The following LUZP2 variants were observed in gnomAD, a reference collection of about 807,000 sequenced individuals.
LUZP2 encodes the protein leucine zipper protein 2.
A neutral mutation model predicts 51.6 loss-of-function variants in LUZP2; 52 were observed. That is an observed-to-expected ratio of 1.01 (90% confidence interval 0.81 to 1.27). The LOEUF is 1.27. Ranked by LOEUF, LUZP2 falls within the 50% of genes most tolerant of loss-of-function variation. The pLI, the probability that LUZP2 is intolerant of heterozygous loss-of-function variation, is 0.00. For synonymous variants in LUZP2, 154 were observed against 137.3 expected (o/e 1.12, Z -0.85); for missense variants, 436 against 395.4 (o/e 1.10, Z -0.87).
intron 9 of LUZP2, among the ~76,000 whole-genome samples, chr11:25,023,718 G>A (rs924913814): frequency 8.5e-5 from 13 of 152,130 alleles, no homozygotes; most frequent in Non-Finnish European, 1.6e-4. Flanking sequence ...TATTTTAATT[G>A]TGATGTTAGG....
intron 5 of LUZP2, among the ~76,000 whole-genome samples, chr11:24,793,555 A>T (rs1024939697): frequency 2.0e-5 from 3 of 152,186 alleles, no homozygotes; most frequent in Admixed American, 6.6e-5. Flanking sequence ...CACCTGACAA[A>T]ATTAAACTGC....
intron 7 of LUZP2, among the ~76,000 whole-genome samples, chr11:24,916,762 C>T (rs1418709098): frequency 6.6e-6 from 1 of 152,142 alleles, no homozygotes; most frequent in Non-Finnish European, 1.5e-5. Flanking sequence ...GATTCCAAGT[C>T]TTTGCTATTG....
intron 6 of LUZP2, among the ~76,000 whole-genome samples, chr11:24,907,459 A>G (rs1013904070): frequency 9.9e-5 from 15 of 152,254 alleles, no homozygotes; most frequent in Admixed American, 2.6e-4. Flanking sequence ...ATTAGCCTAA[A>G]TGGTTTGTAG....
intron 4 of LUZP2, chr11:24,762,776 G>A (rs1860028666): frequency 1.3e-5 from 2 of 152,728 alleles, no homozygotes; most frequent in Non-Finnish European, 1.5e-5. Flanking sequence ...GAAACATCAT[G>A]GTGTCTTCGG....
intron 1 of LUZP2, among the ~76,000 whole-genome samples, chr11:24,607,341 C>CTTTTTTTTTTTTTTTTT (rs57741208): frequency 3.2e-5 from 2 of 63,416 alleles, no homozygotes; most frequent in African/African-American, 5.5e-5. Context: ...GATATTATGT[C>CTTTTTTTTTTTTTTTTT]TTTTTTTTTT....
At chr11:24,640,194 T>C (rs375554807) in intron 1 of LUZP2, among the ~76,000 whole-genome samples, 1 of 152,014 alleles carries the variant, frequency 6.6e-6, no homozygotes, top group East Asian at 1.9e-4. Flanking sequence ...AATTTACAAC[T>C]GGTGTTTTTC....
chr11:24,753,846 A>G (rs964641225), intron 4 of LUZP2, among the ~76,000 whole-genome samples: 1 of 152,138 alleles, frequency 6.6e-6, no homozygotes, highest in Admixed American at 6.6e-5. Context: ...CCATTACCCC[A>G]GACAATGCCA....
At chr11:24,930,321 G>A (rs370095396) in intron 7 of LUZP2, among the ~76,000 whole-genome samples, 6 of 152,026 alleles carry the variant, frequency 3.9e-5, no homozygotes, top group African/African-American at 1.4e-4. Context: ...TGTTGTATGA[G>A]TCCTGTGAAA....
At chr11:24,674,279 C>T (rs146798650) in intron 1 of LUZP2, among the ~76,000 whole-genome samples, 19 of 152,298 alleles carry the variant, frequency 1.2e-4, no homozygotes, top group African/African-American at 4.3e-4. Context: ...TTCCCTTTGC[C>T]ACTTTCAGGA....
chr11:24,545,984 T>G (rs1195781536), intron 1 of LUZP2, among the ~76,000 whole-genome samples: 1 of 152,022 alleles, frequency 6.6e-6, no homozygotes, highest in African/African-American at 2.4e-5. Flanking sequence ...GGTCTCCTTG[T>G]AGAGATTTTT....
intron 9 of LUZP2, among the ~76,000 whole-genome samples, chr11:25,041,957 A>G (rs1194488529): frequency 6.6e-6 from 1 of 152,166 alleles, no homozygotes; most frequent in African/African-American, 2.4e-5. Context: ...CTTTATGAAA[A>G]TCTAATGTCT....
intron 5 of LUZP2, among the ~76,000 whole-genome samples, chr11:24,790,639 T>C (rs142634035): frequency 0.026 from 3,954 of 152,204 alleles, 153 homozygotes; most frequent in African/African-American, 0.09. Flanking sequence ...GTAGCTGGGA[T>C]TACAGGCATG....
chr11:24,663,340 T>C (rs888937241), intron 1 of LUZP2, among the ~76,000 whole-genome samples: 14 of 152,264 alleles, frequency 9.2e-5, no homozygotes, highest in Non-Finnish European at 1.6e-4. Context: ...TCCATCATCA[T>C]AAGACATGTT....
At chr11:24,803,865 C>T (rs1039129157) in intron 5 of LUZP2, among the ~76,000 whole-genome samples, 27 of 151,788 alleles carry the variant, frequency 1.8e-4, no homozygotes, top group African/African-American at 6.1e-4. Flanking sequence ...AGTATTTCTG[C>T]CTAATGTTGA....
At chr11:24,519,793 A>T (rs1211175134) in intron 1 of LUZP2, among the ~76,000 whole-genome samples, 3 of 152,136 alleles carry the variant, frequency 2.0e-5, no homozygotes, top group African/African-American at 7.2e-5. Flanking sequence ...CATCTTTTTT[A>T]AAAAAGGCTT....
intron 1 of LUZP2, among the ~76,000 whole-genome samples, chr11:24,693,324 G>A (rs1857138437): frequency 6.6e-6 from 1 of 151,324 alleles, no homozygotes; most frequent in Non-Finnish European, 1.5e-5. Context: ...CATCACAGAG[G>A]CAGCTGATCT....
intron 1 of LUZP2, among the ~76,000 whole-genome samples, chr11:24,711,774 AGCCCTTCTCT>A (rs780865039): frequency 6.6e-6 from 1 of 152,084 alleles, no homozygotes; most frequent in Non-Finnish European, 1.5e-5. Flanking sequence ...CTCTATTTGC[AGCCCTTCTCT>A]GCCCTCTGTT....
At chr11:24,896,761 T>A (rs965467807) in intron 5 of LUZP2, among the ~76,000 whole-genome samples, 7 of 152,210 alleles carry the variant, frequency 4.6e-5, no homozygotes, top group African/African-American at 1.7e-4. Context: ...GCTGGGCTCT[T>A]GAGTTGGGTG....
In LUZP2 at chr11:24,736,207, T is replaced by TTATC. The variant is rs564438576; in HGVS notation, c.252-1994_252-1991dup. Among the ~76,000 whole-genome samples, 276 of 146,876 alleles carry TTATC rather than the reference T, an allele frequency of 1.9e-3. 1 individual carries two copies. In the East Asian group the frequency reaches 0.036, roughly 19 times the overall value. The stretch of plus-strand genomic sequence containing the variant: ...ATAGATACCTACTCCCACACATACA[T>TTATC]TATCTATCTATCTATCTATCTATAT... On this transcript the variant is annotated intron_variant, in intron 3 of 11. Transcript: ENST00000336930.
Sources: allele counts gnomAD v4.1 joint callset (sites outside exome capture counted in the v4.1 genomes callset), GRCh38; gene constraint gnomAD v4.1.1; transcripts MANE v1.5; gene names NCBI Gene and HGNC (gene_info 2026-07-23, HGNC 2026-07-21).